ABCA13: variants seen among roughly 807,000 people sequenced by gnomAD.
ABCA13 encodes ATP binding cassette subfamily A member 13.
Under a neutral mutation model 478.7 loss-of-function variants are expected in ABCA13, and 476 were observed. The observed-to-expected ratio is 0.99, with a 90% CI of 0.92 to 1.07. The LOEUF (loss-of-function observed/expected upper bound fraction) is 1.07. Among genes scored for constraint, ABCA13 ranks in the 50% least tolerant of loss-of-function variants. The probability of loss-of-function intolerance (pLI) is 0.00; values close to 1 mark genes in which losing one functional copy is unlikely to be tolerated. For missense variants in ABCA13, 6,060 were observed against 5,910.6 expected, an observed-to-expected ratio of 1.03 and a Z score of -0.83; for synonymous variants, 2,252 against 2,158.9, an observed-to-expected ratio of 1.04 and a Z score of -1.20.
intron 59 of ABCA13, among the ~76,000 whole-genome samples, chr7:48,623,919 T>C (rs1215753803): frequency 1.3e-5 from 2 of 152,204 alleles, no homozygotes; most frequent in African/African-American, 4.8e-5. Flanking sequence ...CTGGATTCTT[T>C]TCCTCCATTG....
chr7:48,371,056 T>C (rs1812556439), intron 32 of ABCA13, among the ~76,000 whole-genome samples: 2 of 152,202 alleles, frequency 1.3e-5, no homozygotes, highest in African/African-American at 2.4e-5. Flanking sequence ...CATTGCTTAT[T>C]TTTGTCAGGT....
intron 29 of ABCA13, among the ~76,000 whole-genome samples, chr7:48,342,479 A>G (rs1022701998): frequency 6.6e-6 from 1 of 152,146 alleles, no homozygotes; most frequent in African/African-American, 2.4e-5. Flanking sequence ...GTTTGTATTT[A>G]AATTATCTTC....
chr7:48,300,053 C>T (rs77969878), intron 23 of ABCA13, among the ~76,000 whole-genome samples: 4,792 of 152,288 alleles, frequency 0.031, 109 homozygotes, highest in Middle Eastern at 0.099. Flanking sequence ...ATCTACAGAT[C>T]CTAGGCAAGG....
intron 27 of ABCA13, among the ~76,000 whole-genome samples, chr7:48,327,571 A>G (rs1401798276): frequency 2.0e-5 from 3 of 152,220 alleles, no homozygotes; most frequent in African/African-American, 4.8e-5. Flanking sequence ...AATCCATTTT[A>G]TAGATTAAAA....
chr7:48,323,291 G>A (rs1803782871), intron 27 of ABCA13, among the ~76,000 whole-genome samples: 2 of 152,196 alleles, frequency 1.3e-5, no homozygotes, highest in African/African-American at 4.8e-5. Flanking sequence ...CTAGAAGAAT[G>A]CTAGGAATAC....
chr7:48,376,343 A>C (rs959612080), intron 34 of ABCA13, 98 bp from the exon 35 acceptor site: 10 of 1,454,888 alleles, frequency 6.9e-6, no homozygotes, highest in African/African-American at 1.4e-5. Flanking sequence ...GTTCTGTTCA[A>C]CTTCACTTGA....
intron 58 of ABCA13, among the ~76,000 whole-genome samples, chr7:48,612,819 A>T (rs936933877): frequency 6.6e-6 from 1 of 152,112 alleles, no homozygotes; most frequent in African/African-American, 2.4e-5. Context: ...GCAATATATG[A>T]GATGACATAT....
At chr7:48,528,609 G>T (rs555432012) in intron 55 of ABCA13, among the ~76,000 whole-genome samples, 18 of 152,268 alleles carry the variant, frequency 1.2e-4, no homozygotes, top group South Asian at 6.2e-4. Flanking sequence ...TATCAGAGTG[G>T]ATTGGAAGTG....
At chr7:48,577,864 G>T (rs993688287) in intron 55 of ABCA13, among the ~76,000 whole-genome samples, 3 of 151,982 alleles carry the variant, frequency 2.0e-5, no homozygotes, top group Non-Finnish European at 2.9e-5. Flanking sequence ...TGTACGAAAA[G>T]AATTATATAC....
rs10559412 is a variant in ABCA13, at chr7:48,565,269, C to CA, written c.14355-14943dup. 3.3e-3 allele frequency among the ~76,000 whole-genome samples: 341 copies of CA among 103,174 alleles called. 3 individuals carry two copies. The highest frequency in any genetic ancestry group is 0.011 in the Middle Eastern group (2 of 178). 67.7% of individuals were successfully genotyped at this position (103,174 alleles called of 152,430 possible). A position where few individuals can be genotyped will look rare whatever the true frequency, so the allele number is the denominator to read the frequency against. On this transcript the variant is annotated intron_variant, in intron 55 of 61. Transcript: ENST00000435803. ...ATAACATTTTCTTCATGGGCAAGAA[C>CA]AAAAAAAAAAAATCTCAGGAGTATG...
At position 48,551,601 on chromosome 7, in the gene ABCA13, T is replaced by C. The variant is rs1785328484; in HGVS notation, c.14354+23256T>C. ...TTATTATTTTTTCTTTTCAAATAAA[T>C]TCGTATGTATTGCACTCTTTTTTTT... On this transcript the variant is annotated intron_variant, in intron 55 of 61. Transcript: ENST00000435803. 2.2e-5 allele frequency among the ~76,000 whole-genome samples: 3 copies of C among 134,938 alleles called. No homozygotes were observed. In the South Asian group the frequency reaches 7.3e-4, roughly 33 times the overall value. 88.5% of individuals were successfully genotyped at this position (134,938 alleles called of 152,430 possible).
At chr7:48,356,626 T>C (rs1809970441) in intron 31 of ABCA13, among the ~76,000 whole-genome samples, 1 of 151,824 alleles carries the variant, frequency 6.6e-6, no homozygotes, top group Non-Finnish European at 1.5e-5. Flanking sequence ...TCTCTCTCTC[T>C]CCTCCTTTTA....
At chr7:48,374,488 G>A (rs1018446263) in intron 34 of ABCA13, 72 bp downstream of exon 34, 16 of 1,351,816 alleles carry the variant, frequency 1.2e-5, no homozygotes, top group Non-Finnish European at 1.5e-5. Flanking sequence ...TATATTGCAA[G>A]TGATCCAGTA....
chr7:48,643,306 A>G lies in ABCA13; in HGVS notation c.14856A>G (p.Thr4952=). The G allele has an allele frequency of 6.2e-7, 1 of 1,611,014 alleles. No homozygotes were observed. The highest frequency in any genetic ancestry group is 8.5e-7 in the Non-Finnish European group (1 of 1,178,636). ...CTCTCAGGTTTGGTGATGGTTATAC[A>G]GTCAAAGTTTGGCTCTGTAAGGAAG... is the stretch of plus-strand genomic sequence containing the variant. ...HIKNRFGDGY[T]VKVWLCKEAN... Residue 4952 remains threonine, a synonymous_variant, in exon 60 of 62, where the codon ACA becomes ACG. Coordinates refer to ENST00000435803, the MANE Select transcript of ABCA13 (RefSeq NM_152701.5).
At chr7:48,473,680 G>A (rs962812751) in intron 45 of ABCA13, among the ~76,000 whole-genome samples, 2 of 152,130 alleles carry the variant, frequency 1.3e-5, no homozygotes, top group Non-Finnish European at 2.9e-5. Flanking sequence ...TCCATATAGC[G>A]AGCTGCTTAG....
chr7:48,565,915 A>G (rs768543212), intron 55 of ABCA13, among the ~76,000 whole-genome samples: 25 of 152,186 alleles, frequency 1.6e-4, no homozygotes, highest in African/African-American at 6.0e-4. Context: ...CACAAAAACA[A>G]TTCAGATATT....
At chr7:48,537,263 C>T (rs1833647404) in intron 55 of ABCA13, among the ~76,000 whole-genome samples, 1 of 151,950 alleles carries the variant, frequency 6.6e-6, no homozygotes, top group African/African-American at 2.4e-5. Flanking sequence ...TGTTTTTCAT[C>T]TTAAAATAAA....
intron 47 of ABCA13, among the ~76,000 whole-genome samples, chr7:48,487,274 C>A (rs1254458544): frequency 2.0e-5 from 3 of 149,146 alleles, no homozygotes; most frequent in African/African-American, 7.5e-5. Flanking sequence ...CATGCCATTG[C>A]ATTCCAGCCT....
intron 27 of ABCA13, among the ~76,000 whole-genome samples, chr7:48,325,697 A>G (rs374841486): frequency 1.1e-4 from 17 of 152,312 alleles, no homozygotes; most frequent in African/African-American, 3.6e-4. Flanking sequence ...ATAAAAAGGC[A>G]TTAGAGTAAT....
Sources: gnomAD v4.1 joint callset for allele counts (sites outside exome capture counted in the v4.1 genomes callset) on GRCh38, gnomAD v4.1.1 for gene constraint, MANE v1.5 for transcripts, NCBI Gene and HGNC (gene_info 2026-07-23, HGNC 2026-07-21) for gene names.